The following ADAM17 variants were observed in gnomAD, a reference collection of about 807,000 sequenced individuals.
ADAM17 encodes ADAM metallopeptidase domain 17.
In ADAM17, 39 loss-of-function variants were observed where a neutral mutation model predicts 96.7. The ratio of observed to expected loss-of-function variants is 0.40; its 90% CI spans 0.31 to 0.53. The LOEUF (loss-of-function observed/expected upper bound fraction) is 0.53. ADAM17 is among the 20% of genes least tolerant of loss of function. ADAM17 has a pLI of 0.44. For missense variants in ADAM17, 777 were observed against 1,013.2 expected, an observed-to-expected ratio of 0.77 and a Z score of 3.17; for synonymous variants, 344 against 359.2, an observed-to-expected ratio of 0.96 and a Z score of 0.48.
At chr2:9,525,996 A>C (rs1426501904) in intron 6 of ADAM17, 115 bp downstream of exon 6, 1 of 1,096,796 alleles carries the variant, frequency 9.1e-7, no homozygotes, top group African/African-American at 1.6e-5. Flanking sequence ...AATATCCCTC[A>C]AATATTTTAG....
At chr2:9,550,699 C>T (rs1665563921) in intron 1 of ADAM17, among the ~76,000 whole-genome samples, 1 of 151,628 alleles carries the variant, frequency 6.6e-6, no homozygotes, top group Non-Finnish European at 1.5e-5. Context: ...CCGGCCTCAG[C>T]CTCCCAAAGT....
intron 1 of ADAM17, among the ~76,000 whole-genome samples, chr2:9,551,680 C>G (rs534890754): frequency 6.6e-6 from 1 of 152,270 alleles, no homozygotes; most frequent in South Asian, 2.1e-4. Context: ...AGGATGGTCT[C>G]GATCTCCTGA....
chr2:9,539,949 A>G lies in ADAM17; in HGVS notation c.231-3121T>C, dbSNP rs1665140113. Reference sequence around the variant, plus strand: ...CTGGTATAAAATTCCATAGACTGTTAGATAAATTTCCCATTAAATATTTAG... The same window carrying G: ...CTGGTATAAAATTCCATAGACTGTTGGATAAATTTCCCATTAAATATTTAG... On this transcript the variant is annotated intron_variant, in intron 2 of 18. Coordinates refer to ENST00000310823, the MANE Select transcript of ADAM17 (RefSeq NM_003183.6). 2.0e-5 allele frequency among the ~76,000 whole-genome samples: 3 copies of G among 152,236 alleles called. No homozygotes were observed. The South Asian group carries it at 6.2e-4, about 31-fold the overall frequency.
intron 1 of ADAM17, among the ~76,000 whole-genome samples, chr2:9,553,932 CAT>C (rs1665661890): frequency 6.6e-6 from 1 of 151,780 alleles, no homozygotes; most frequent in African/African-American, 2.4e-5. Context: ...CGTGGTGGCA[CAT>C]GCCTGTAATC....
intron 13 of ADAM17, among the ~76,000 whole-genome samples, chr2:9,501,784 A>C (rs1008106468): frequency 2.6e-5 from 4 of 152,240 alleles, no homozygotes; most frequent in African/African-American, 9.6e-5. Flanking sequence ...TCTGTAGCAC[A>C]ATATGGGTAA....
chr2:9,522,459 C>G (rs571680980), intron 7 of ADAM17: 113 of 593,602 alleles, frequency 1.9e-4, no homozygotes, highest in Non-Finnish European at 3.4e-4. Context: ...AAATGCGTAA[C>G]AGTGAAAGAG....
intron 12 of ADAM17, 21 bp from the exon 13 acceptor site, chr2:9,502,297 G>A (rs1223162121): frequency 1.3e-6 from 2 of 1,578,742 alleles, no homozygotes; most frequent in Admixed American, 1.7e-5. Context: ...ACAGCAGACA[G>A]GAACAGAGCA....
At chr2:9,526,556 G>A (rs1002706789) in intron 5 of ADAM17, among the ~76,000 whole-genome samples, 1 of 152,116 alleles carries the variant, frequency 6.6e-6, no homozygotes, top group African/African-American at 2.4e-5. Context: ...AGCACTTTGC[G>A]AGGCCAAGGT....
At chr2:9,494,810 C>G in intron 14 of ADAM17, 43 bp from the exon 15 acceptor site, 1 of 1,605,822 alleles carries the variant, frequency 6.2e-7, no homozygotes, top group Non-Finnish European at 8.5e-7. Context: ...TGTTCTGAGA[C>G]CTGCCTCTCC....
intron 1 of ADAM17, among the ~76,000 whole-genome samples, chr2:9,547,790 C>T (rs1665450676): frequency 6.6e-6 from 1 of 152,166 alleles, no homozygotes; most frequent in Non-Finnish European, 1.5e-5. Context: ...TGGCTCATGC[C>T]TGTCATCCCA....
In ADAM17 at chr2:9,492,949, C is replaced by T. The variant is rs759960474; in HGVS notation, c.2031G>A (p.Leu677=). The T allele has an allele frequency of 2.4e-5, 39 of 1,612,190 alleles. No homozygotes were observed. The highest frequency in any genetic ancestry group is 3.1e-5 in the Non-Finnish European group (36 of 1,178,990). ...GAATCCAAAATATCAAGGAGAAAAC[C>T]AGGACAGACCCAACGATGTTGTCTG... ...FLADNIVGSV[L]VFSLIFWIPF... The change falls in exon 17 of 19, where the codon CTG becomes CTA. Residue 677 remains leucine (L), a synonymous_variant. Transcript: ENST00000310823.
chr2:9,505,259 T>G lies in ADAM17; in HGVS notation c.1451A>C (p.Asp484Ala). 1 of 1,614,178 alleles carries G rather than the reference T, an allele frequency of 6.2e-7. No individual in the cohort carries two copies. Residue 484 changes from aspartate to alanine, a missense_variant, in exon 12 of 19, where the codon GAT becomes GCT. Transcript: ENST00000310823. ...SNKVCGNSRV[D>A]EGEECDPGIM... Reference sequence around the variant, plus strand: ...GCCAGGATCACACTCTTCTCCTTCATCCACCCTCGAGTTCCCACAAACTTT... The same window carrying G: ...GCCAGGATCACACTCTTCTCCTTCAGCCACCCTCGAGTTCCCACAAACTTT...
intron 10 of ADAM17, 44 bp downstream of exon 10, chr2:9,517,857 A>G (rs1318524728): frequency 7.4e-7 from 1 of 1,349,422 alleles, no homozygotes; most frequent in South Asian, 1.6e-5. Context: ...AGGTTCTACT[A>G]CAATAAACTC....
chr2:9,535,773 G>A (rs561380947), intron 4 of ADAM17, 61 bp downstream of exon 4: 2 of 1,115,350 alleles, frequency 1.8e-6, no homozygotes, highest in South Asian at 1.4e-5. Context: ...TTGCAGAACT[G>A]AGCAGCTTTT....
At position 9,488,708 on chromosome 2, in the gene ADAM17, A is replaced by G. The variant is rs1661799290; in HGVS notation, c.*1469T>C. On this transcript the variant is annotated 3_prime_UTR_variant, in exon 19 of 19. Transcript: ENST00000310823. ...CAAATTCCAAAAGTGTAACTAAAGT[A>G]TAAGAATATCATGACTAGTTAAAAG... 1 of 157,580 alleles carries G rather than the reference A, an allele frequency of 6.3e-6. No individual in the cohort carries two copies. The highest frequency in any genetic ancestry group is 3.3e-3 in the Middle Eastern group (1 of 304). 9.8% of individuals were successfully genotyped at this position (157,580 alleles called of 1,614,324 possible).
chr2:9,538,124 T>C (rs910456821), intron 2 of ADAM17, among the ~76,000 whole-genome samples: 125 of 152,178 alleles, frequency 8.2e-4, no homozygotes, highest in Non-Finnish European at 2.1e-4. Context: ...TTTCTATGAC[T>C]TTCCATCCTT....
At chr2:9,534,227 G>C (rs1323435662) in intron 4 of ADAM17, among the ~76,000 whole-genome samples, 1 of 152,158 alleles carries the variant, frequency 6.6e-6, no homozygotes, top group East Asian at 1.9e-4. Context: ...AAATTAGCCA[G>C]GTGAGGTAGC....
intron 11 of ADAM17, among the ~76,000 whole-genome samples, chr2:9,505,817 G>A (rs977537690): frequency 2.6e-5 from 4 of 151,908 alleles, no homozygotes; most frequent in Admixed American, 1.3e-4. Context: ...CAGGAGAAGG[G>A]GTTTCTTCTC....
At chr2:9,501,259 AAAGT>A (rs1422888568) in intron 13 of ADAM17, among the ~76,000 whole-genome samples, 1 of 152,224 alleles carries the variant, frequency 6.6e-6, no homozygotes, top group Non-Finnish European at 1.5e-5. Flanking sequence ...GTTAAAAAAA[AAAGT>A]AAGAACAAGA....
Sources: gnomAD v4.1 joint callset for allele counts (sites outside exome capture counted in the v4.1 genomes callset) on GRCh38, gnomAD v4.1.1 for gene constraint, MANE v1.5 for transcripts, NCBI Gene and HGNC (gene_info 2026-07-23, HGNC 2026-07-21) for gene names.